The following CDC73 variants were observed in gnomAD, a reference collection of about 807,000 sequenced individuals.
CDC73 encodes the protein cell division cycle 73.
Under a neutral mutation model 83.7 loss-of-function variants are expected in CDC73, and 21 were observed. The observed-to-expected ratio is 0.25, with a 90% CI of 0.18 to 0.36. CDC73 has a LOEUF of 0.36. CDC73 is among the 10% of genes least tolerant of loss of function. CDC73 has a pLI of 1.00. For missense variants in CDC73, 342 were observed against 653.3 expected (o/e 0.52, Z 5.19); for synonymous variants, 224 against 212.9 (o/e 1.05, Z -0.45).
chr1:193,231,415 A>G lies in CDC73; in HGVS notation c.1155-1578A>G, dbSNP rs139554796. On this transcript the variant is annotated intron_variant, in intron 13 of 16. Transcript: ENST00000367435. ...TATGTTTTGTACAACTATGTATATT[A>G]TAAAACTTATAGCACAATGTATTGC... Among the ~76,000 whole-genome samples, 495 of 152,328 alleles carry G rather than the reference A, an allele frequency of 3.2e-3. 3 individuals are homozygous for G. The highest frequency in any genetic ancestry group is 0.011 in the African/African-American group (476 of 41,584).
intron 13 of CDC73, among the ~76,000 whole-genome samples, chr1:193,212,921 A>C (rs1472472963): frequency 6.6e-6 from 1 of 152,108 alleles, no homozygotes; most frequent in East Asian, 1.9e-4. Context: ...AATGATGATA[A>C]AATTTCCAAA....
chr1:193,135,267 AT>A, intron 3 of CDC73, 123 bp from the exon 4 acceptor site: 1 of 791,130 alleles, frequency 1.3e-6, no homozygotes, highest in Non-Finnish European at 2.1e-6. Context: ...TTAAAACTGA[AT>A]TTTTTACCTA....
At chr1:193,240,359 T>A (rs1558322719) in intron 15 of CDC73, among the ~76,000 whole-genome samples, 1 of 152,220 alleles carries the variant, frequency 6.6e-6, no homozygotes, top group East Asian at 1.9e-4. Context: ...CTGATTTTCT[T>A]TCCTTTTGAA....
intron 10 of CDC73, among the ~76,000 whole-genome samples, chr1:193,159,233 TAC>T (rs1237796460): frequency 1.3e-5 from 2 of 152,214 alleles, no homozygotes; most frequent in Non-Finnish European, 2.9e-5. Flanking sequence ...GCCTGTTTGT[TAC>T]AGCAAATTAA....
At chr1:193,205,758 C>T (rs1572198228) in intron 11 of CDC73, among the ~76,000 whole-genome samples, 1 of 151,992 alleles carries the variant, frequency 6.6e-6, no homozygotes, top group Non-Finnish European at 1.5e-5. Context: ...ATATAATAGG[C>T]TCTTGTCCAG....
intron 10 of CDC73, among the ~76,000 whole-genome samples, chr1:193,163,893 C>G (rs773514396): frequency 3.3e-5 from 5 of 152,132 alleles, no homozygotes; most frequent in Admixed American, 6.5e-5. Flanking sequence ...GTTCTCCTGC[C>G]TCAGTCTTCT....
intron 3 of CDC73, among the ~76,000 whole-genome samples, chr1:193,133,299 G>T (rs948678038): frequency 2.6e-5 from 4 of 152,098 alleles, no homozygotes; most frequent in African/African-American, 9.7e-5. Context: ...CAAATATTAA[G>T]ACCGTATTCT....
At chr1:193,205,490 A>G (rs537398907) in intron 11 of CDC73, among the ~76,000 whole-genome samples, 1 of 151,308 alleles carries the variant, frequency 6.6e-6, no homozygotes, top group Admixed American at 6.6e-5. Context: ...TTGTATTCAT[A>G]CTCCTCTTAG....
chr1:193,150,243 C>A, intron 8 of CDC73, 61 bp from the exon 9 acceptor site: 2 of 1,207,198 alleles, frequency 1.7e-6, no homozygotes, highest in Non-Finnish European at 2.4e-6. Flanking sequence ...TGCACTCCAG[C>A]ACATTAAATA....
chr1:193,175,499 G>C (rs1409861572), intron 10 of CDC73, among the ~76,000 whole-genome samples: 2 of 152,110 alleles, frequency 1.3e-5, no homozygotes, highest in Non-Finnish European at 2.9e-5. Flanking sequence ...ATATCCGTGG[G>C]TTCCACATCC....
intron 6 of CDC73, among the ~76,000 whole-genome samples, chr1:193,140,242 A>G (rs1260126127): frequency 6.6e-6 from 1 of 152,180 alleles, no homozygotes. Context: ...TCTAGCATCT[A>G]GTAAACCATT....
chr1:193,138,024 G>A (rs936060579), intron 5 of CDC73, 61 bp from the exon 6 acceptor site: 47 of 1,250,280 alleles, frequency 3.8e-5, no homozygotes, highest in Middle Eastern at 1.9e-4. Flanking sequence ...TACATGTAGC[G>A]TTTTTTCTTC....
intron 10 of CDC73, among the ~76,000 whole-genome samples, chr1:193,189,459 A>G (rs759595162): frequency 1.1e-4 from 17 of 152,178 alleles, no homozygotes; most frequent in Non-Finnish European, 2.2e-4. Context: ...TCTGAATTCT[A>G]TGGTTAAACT....
intron 3 of CDC73, among the ~76,000 whole-genome samples, chr1:193,131,734 A>T (rs550885811): frequency 1.3e-5 from 2 of 152,292 alleles, no homozygotes; most frequent in Non-Finnish European, 2.9e-5. Context: ...CTTTCTCTAC[A>T]TTATCACATG....
intron 10 of CDC73, among the ~76,000 whole-genome samples, chr1:193,196,927 T>G (rs760854536): frequency 6.6e-6 from 1 of 152,304 alleles, no homozygotes; most frequent in South Asian, 2.1e-4. Flanking sequence ...TTTGAATGCC[T>G]TCTGTTTTTC....
chr1:193,130,749 C>T (rs1325261328), intron 3 of CDC73, among the ~76,000 whole-genome samples: 4 of 152,144 alleles, frequency 2.6e-5, no homozygotes, highest in Non-Finnish European at 4.4e-5. Flanking sequence ...AAAATCACTC[C>T]TTGTAAGGTC....
At chr1:193,162,998 A>T (rs1389759654) in intron 10 of CDC73, among the ~76,000 whole-genome samples, 1 of 152,144 alleles carries the variant, frequency 6.6e-6, no homozygotes, top group African/African-American at 2.4e-5. Flanking sequence ...TCAGCTTCTG[A>T]TAGGATTATA....
chr1:193,124,406 T>C (rs1372204775), intron 1 of CDC73, among the ~76,000 whole-genome samples: 3 of 152,110 alleles, frequency 2.0e-5, no homozygotes, highest in African/African-American at 7.2e-5. Context: ...AGAGGAAAAA[T>C]GGGACTAGAA....
At chr1:193,210,389 C>G (rs1677256723) in intron 11 of CDC73, among the ~76,000 whole-genome samples, 1 of 152,090 alleles carries the variant, frequency 6.6e-6, no homozygotes, top group South Asian at 2.1e-4. Context: ...AATTTTAAGT[C>G]TCCTAAATTT....
Sources: gnomAD v4.1 joint callset for allele counts (sites outside exome capture counted in the v4.1 genomes callset) on GRCh38, gnomAD v4.1.1 for gene constraint, MANE v1.5 for transcripts, NCBI Gene and HGNC (gene_info 2026-07-23, HGNC 2026-07-21) for gene names.